The following CUL2 variants were observed in gnomAD, a reference collection of about 807,000 sequenced individuals.
CUL2 encodes the protein cullin 2, also known as cullin-2.
CUL2 carries 22 observed loss-of-function variants against 110.2 expected under a neutral mutation model. The ratio of observed to expected loss-of-function variants is 0.20; its 90% CI spans 0.14 to 0.28. CUL2 has a LOEUF of 0.28. Ranked by LOEUF, CUL2 falls within the 10% of genes least tolerant of loss-of-function variation. The probability of loss-of-function intolerance (pLI) is 1.00; values close to 1 mark genes in which losing one functional copy is unlikely to be tolerated. For missense variants in CUL2, 631 were observed against 905.5 expected (o/e 0.70, Z 3.89); for synonymous variants, 279 against 293.2 (o/e 0.95, Z 0.49).
chr10:35,022,115 G>C (rs2085217919), intron 17 of CUL2, among the ~76,000 whole-genome samples: 1 of 151,900 alleles, frequency 6.6e-6, no homozygotes, highest in Admixed American at 6.6e-5. Context: ...TTTTTTTTGA[G>C]GGCCAAGGCT....
intron 7 of CUL2, 45 bp from the exon 8 acceptor site, chr10:35,044,721 A>G (rs778053193): frequency 6.3e-7 from 1 of 1,583,846 alleles, no homozygotes; most frequent in East Asian, 2.2e-5. Flanking sequence ...TAGAACAAGC[A>G]GTTTAAGAAA....
chr10:35,028,053 T>C (rs1373915321), intron 16 of CUL2, among the ~76,000 whole-genome samples: 5 of 152,336 alleles, frequency 3.3e-5, no homozygotes, highest in Non-Finnish European at 7.4e-5. Flanking sequence ...TGTAAAAGAC[T>C]GCCAAGGCCA....
intron 1 of CUL2, among the ~76,000 whole-genome samples, chr10:35,123,331 C>T (rs2087699947): frequency 6.6e-6 from 1 of 152,164 alleles, no homozygotes; most frequent in African/African-American, 2.4e-5. Flanking sequence ...TTCACAGTCT[C>T]CTTTCACTTC....
At chr10:35,099,048 C>T (rs1227884505) in intron 2 of CUL2, among the ~76,000 whole-genome samples, 9 of 152,110 alleles carry the variant, frequency 5.9e-5, no homozygotes, top group Non-Finnish European at 1.2e-4. Flanking sequence ...ACAGAAAGAA[C>T]AAATGGACTA....
chr10:35,094,895 A>C (rs1383548556), upstream of CUL2, among the ~76,000 whole-genome samples: 1 of 152,222 alleles, frequency 6.6e-6, no homozygotes, highest in African/African-American at 2.4e-5. Flanking sequence ...CTCCCCAAAC[A>C]AACCTCAAAT....
intron 8 of CUL2, among the ~76,000 whole-genome samples, chr10:35,039,949 T>C (rs2085738771): frequency 6.6e-6 from 1 of 152,272 alleles, no homozygotes; most frequent in East Asian, 1.9e-4. Context: ...GGTCAGGAGT[T>C]TGAGACCAGC....
In CUL2 at chr10:35,033,324, T is replaced by C. The variant is rs745618869; in HGVS notation, c.1003-51A>G. The C allele has an allele frequency of 1.5e-4, 185 of 1,257,394 alleles. 2 individuals carry two copies. The highest frequency in any genetic ancestry group is 1.3e-3 in the South Asian group (110 of 81,544). The allele number at this position is 1,257,394 out of a possible 1,614,324, so 77.9% of individuals were successfully genotyped here. On this transcript the variant is annotated intron_variant, in intron 10 of 20. Transcript: ENST00000374749. ...CCACATTTTAAGAGGTTCAAGGATA[T>C]CCAAACTATGAGGTTTATTAGACTT...
intron 16 of CUL2, among the ~76,000 whole-genome samples, chr10:35,028,090 C>A (rs1036528295): frequency 5.3e-5 from 8 of 152,164 alleles, no homozygotes; most frequent in Non-Finnish European, 1.0e-4. Flanking sequence ...CCTGAAATCC[C>A]AGCACTTTGG....
chr10:35,059,120 C>T lies in CUL2; in HGVS notation c.317+1754G>A, dbSNP rs142140457. On this transcript the variant is annotated intron_variant, in intron 4 of 20. Coordinates refer to ENST00000374749, the MANE Select transcript of CUL2 (RefSeq NM_003591.4). ...GAGACAGAATCTACTCCTAATAAGA[C>T]GGTATGAACATTGTTGAAATGACAA... is the stretch of plus-strand genomic sequence containing the variant. 2.5e-3 allele frequency among the ~76,000 whole-genome samples: 385 copies of T among 152,230 alleles called. 1 individual carries two copies. The highest frequency in any genetic ancestry group is 7.9e-3 in the African/African-American group (328 of 41,540).
intron 9 of CUL2, among the ~76,000 whole-genome samples, chr10:35,037,195 T>C (rs539587524): frequency 6.6e-6 from 1 of 152,340 alleles, no homozygotes; most frequent in Non-Finnish European, 1.5e-5. Flanking sequence ...ATTGATTTTG[T>C]ATATGGTATC....
chr10:35,115,581 A>G (rs897063916), intron 1 of CUL2, among the ~76,000 whole-genome samples: 2 of 151,772 alleles, frequency 1.3e-5, no homozygotes, highest in African/African-American at 4.8e-5. Context: ...TTAACAAGGG[A>G]GATAAATTAA....
chr10:35,126,347 A>G (rs139224628), intron 1 of CUL2, among the ~76,000 whole-genome samples: 260 of 152,328 alleles, frequency 1.7e-3, no homozygotes, highest in African/African-American at 5.7e-3. Context: ...TCTTTTGGAG[A>G]AGGACTCAAC....
intron 1 of CUL2, among the ~76,000 whole-genome samples, chr10:35,122,589 C>T (rs1410197042): frequency 6.6e-6 from 1 of 152,130 alleles, no homozygotes; most frequent in African/African-American, 2.4e-5. Context: ...TAATTTAATT[C>T]ATGTAACTTG....
rs1411978404 is a variant in CUL2, at chr10:35,028,843, T to G, written c.1584A>C (p.Ala528=). 2 of 1,612,294 alleles carry G rather than the reference T, an allele frequency of 1.2e-6. No homozygotes were observed. The highest frequency in any genetic ancestry group is 1.7e-6 in the Non-Finnish European group (2 of 1,178,908). Residue 528 remains alanine, a synonymous_variant, in exon 16 of 21, where the codon GCA becomes GCC. Coordinates refer to ENST00000374749, the MANE Select transcript of CUL2 (RefSeq NM_003591.4). ...CACTTTTTTCTAATTCCTGGGGAAT[T>G]GCAAACGTAGATGAAGGAGCCTGAG... ...PLTQAPSSTF[A]IPQELEKSVQ... is the part of the protein sequence containing the mutation.
At chr10:35,014,264 G>A (rs989030656) in intron 18 of CUL2, among the ~76,000 whole-genome samples, 1 of 152,154 alleles carries the variant, frequency 6.6e-6, no homozygotes, top group African/African-American at 2.4e-5. Context: ...TGTGCCTCCA[G>A]TAGCACACAG....
rs181526552 is a variant in CUL2 at position 35,064,984 on chromosome 10, G to C, written c.120-1922C>G. Among the ~76,000 whole-genome samples, 124 of 152,218 alleles carry C rather than the reference G, an allele frequency of 8.1e-4. 1 individual carries two copies. The highest frequency in any genetic ancestry group is 4.4e-5 in the Non-Finnish European group (3 of 68,028). On this transcript the variant is annotated intron_variant, in intron 2 of 20. Transcript: ENST00000374749. Reference sequence around the variant, plus strand: ...CATATACAGTACTTCTGCACTGTTGGACTCCTTCAGAATATACATATTTTT... The same window carrying C: ...CATATACAGTACTTCTGCACTGTTGCACTCCTTCAGAATATACATATTTTT...
At chr10:35,078,925 A>C (rs1427264359) in intron 1 of CUL2, among the ~76,000 whole-genome samples, 2 of 152,142 alleles carry the variant, frequency 1.3e-5, no homozygotes, top group African/African-American at 2.4e-5. Context: ...TAGTTAAGAC[A>C]CCATAATTAG....
intron 8 of CUL2, among the ~76,000 whole-genome samples, chr10:35,043,457 C>T (rs2085846685): frequency 6.6e-6 from 1 of 152,206 alleles, no homozygotes; most frequent in Non-Finnish European, 1.5e-5. Flanking sequence ...ACTAAGACCT[C>T]TAGATCTGGG....
Position 35,029,592 on chromosome 10 carries a change from C to A in CUL2, c.1435G>T (p.Asp479Tyr). 1 of 1,595,870 alleles carries A rather than the reference C, an allele frequency of 6.3e-7. No homozygotes were observed. The highest frequency in any genetic ancestry group is 1.1e-5 in the South Asian group (1 of 87,074). The change falls in exon 15 of 21, where the codon GAT becomes TAT. Residue 479 changes from aspartate to tyrosine, a missense_variant. Around this residue, in one of 3 missense-constraint regions of CUL2, gnomAD observed 134 missense variants for 260.4 expected, o/e 0.51. Transcript: ENST00000374749. ...TTGAGATCAGCGCTGACACTCATAT[C>A]TGTATACATCCGATGTAGCTTGCTG... ...FTSKLHRMYT[D>Y]MSVSADLNNK...
Sources: allele counts gnomAD v4.1 joint callset (sites outside exome capture counted in the v4.1 genomes callset), GRCh38; gene constraint gnomAD v4.1.1; regional missense constraint gnomAD v4.1.1; transcripts MANE v1.5; gene names NCBI Gene and HGNC (gene_info 2026-07-23, HGNC 2026-07-21).